The following ZBTB46 variants were observed in gnomAD, a reference collection of about 807,000 sequenced individuals.
The protein encoded by ZBTB46 is zinc finger and BTB domain containing 46.
ZBTB46 carries 8 observed loss-of-function variants against 44.1 expected under a neutral mutation model. The ratio of observed to expected loss-of-function variants is 0.18; its 90% confidence interval spans 0.11 to 0.33. The LOEUF is 0.33. Among genes scored for constraint, ZBTB46 ranks in the 10% least tolerant of loss-of-function variants. ZBTB46 has a pLI of 1.00. For synonymous variants in ZBTB46, 409 were observed against 382.3 expected (o/e 1.07, Z -0.81); for missense variants, 651 against 847.7 (o/e 0.77, Z 2.88).
At chr20:63,770,156 C>T (rs776964366) in intron 3 of ZBTB46, among the ~76,000 whole-genome samples, 5 of 152,246 alleles carry the variant, frequency 3.3e-5, no homozygotes, top group South Asian at 2.1e-4. Context: ...CTCCTGTCCC[C>T]GGCCGACCGG....
Position 63,746,846 on chromosome 20 carries a change from G to A in ZBTB46, c.*84C>T. The stretch of plus-strand genomic sequence containing the variant: ...AGGGGCCGCGAGAGGGGTGAGCGTG[G>A]CCCTGGCCCCGCAGTGGAGACCCAC... On this transcript the variant is annotated 3_prime_UTR_variant, in exon 5 of 5. Coordinates refer to ENST00000245663, the MANE Select transcript of ZBTB46 (RefSeq NM_001369741.1). The A allele has an allele frequency of 7.0e-7, 1 of 1,421,394 alleles. No homozygotes were observed. Among genetic ancestry groups the A allele is most frequent in the East Asian group, 2.6e-5 (1 of 38,448 alleles). 88.0% of individuals were successfully genotyped at this position (1,421,394 alleles called of 1,614,324 possible).
chr20:63,785,757 G>C (rs928192770), intron 2 of ZBTB46, among the ~76,000 whole-genome samples: 1 of 152,250 alleles, frequency 6.6e-6, no homozygotes, highest in East Asian at 1.9e-4. Flanking sequence ...GTCACTGGCC[G>C]CCACAGCGTG....
upstream of ZBTB46, among the ~76,000 whole-genome samples, chr20:63,831,664 A>C (rs2092853203): frequency 6.7e-6 from 1 of 149,436 alleles, no homozygotes; most frequent in Non-Finnish European, 1.5e-5. Flanking sequence ...GCAGCCTGGA[A>C]ACACCCCACG....
intron 3 of ZBTB46, among the ~76,000 whole-genome samples, chr20:63,772,998 C>A (rs2092389767): frequency 6.6e-6 from 1 of 152,186 alleles, no homozygotes; most frequent in Non-Finnish European, 1.5e-5. Flanking sequence ...CCAGGGCCAC[C>A]AAGGCCGAGC....
intron 1 of ZBTB46, among the ~76,000 whole-genome samples, chr20:63,804,415 C>T (rs374341012): frequency 6.6e-6 from 1 of 152,140 alleles, no homozygotes; most frequent in Non-Finnish European, 1.5e-5. Flanking sequence ...CAACAGCAGT[C>T]CTGAGCCCTC....
At chr20:63,808,333 C>T (rs1283493480) in intron 1 of ZBTB46, among the ~76,000 whole-genome samples, 1 of 152,134 alleles carries the variant, frequency 6.6e-6, no homozygotes, top group African/African-American at 2.4e-5. Flanking sequence ...CAGCCCTTGC[C>T]CCGGGGGCTG....
intron 2 of ZBTB46, among the ~76,000 whole-genome samples, chr20:63,783,489 TAAAAC>T (rs1032012138): frequency 7.9e-5 from 12 of 152,100 alleles, no homozygotes; most frequent in Admixed American, 2.6e-4. Flanking sequence ...TTTTTAAAAA[TAAAAC>T]AAAAACAAAA....
At chr20:63,789,505 G>C (rs999543684) in intron 2 of ZBTB46, among the ~76,000 whole-genome samples, 1 of 152,124 alleles carries the variant, frequency 6.6e-6, no homozygotes, top group Non-Finnish European at 1.5e-5. Context: ...GTCCCCTCCC[G>C]GTGTCACCCA....
chr20:63,833,387 C>A (rs569109258), upstream of ZBTB46, among the ~76,000 whole-genome samples: 255 of 152,230 alleles, frequency 1.7e-3, no homozygotes, highest in African/African-American at 6.0e-3. Flanking sequence ...GTCAGGAGAT[C>A]GAGACCATCC....
At chr20:63,775,147 A>C in intron 3 of ZBTB46, 1 of 152,730 alleles carries the variant, frequency 6.5e-6, no homozygotes, top group East Asian at 1.9e-4. Flanking sequence ...AGCTGGGGAC[A>C]TTTACGTTTT....
At chr20:63,761,911 T>A (rs2092281241) in intron 3 of ZBTB46, among the ~76,000 whole-genome samples, 1 of 152,358 alleles carries the variant, frequency 6.6e-6, no homozygotes, top group South Asian at 2.1e-4. Flanking sequence ...TGATTTCTAA[T>A]TCCAGTTTGC....
At chr20:63,806,911 T>A (rs1328529910) in intron 1 of ZBTB46, among the ~76,000 whole-genome samples, 1 of 152,084 alleles carries the variant, frequency 6.6e-6, no homozygotes, top group African/African-American at 2.4e-5. Context: ...GCCTCCTGAG[T>A]AGCTGGGACT....
Position 63,746,793 on chromosome 20 carries a change from G to T in ZBTB46, c.*137C>A. The T allele has an allele frequency of 4.6e-6, 6 of 1,317,192 alleles. No individual in the cohort carries two copies. The highest frequency in any genetic ancestry group is 6.0e-6 in the Non-Finnish European group (6 of 1,008,122). 81.6% of individuals were successfully genotyped at this position (1,317,192 alleles called of 1,614,324 possible). On this transcript the variant is annotated 3_prime_UTR_variant, in exon 5 of 5. Transcript: ENST00000245663. ...CTTAGCCCGCAGGGCTGGTTTCCGT[G>T]GGGGGTGGGTTCAGGGGGAAGCAGA...
At chr20:63,766,096 G>A (rs2092318063) in intron 3 of ZBTB46, among the ~76,000 whole-genome samples, 1 of 151,812 alleles carries the variant, frequency 6.6e-6, no homozygotes, top group African/African-American at 2.4e-5. Context: ...CCCTGCCCAT[G>A]AACGCAGAGC....
chr20:63,776,949 G>C (rs1020787037), intron 2 of ZBTB46, among the ~76,000 whole-genome samples: 1 of 152,102 alleles, frequency 6.6e-6, no homozygotes, highest in African/African-American at 2.4e-5. Flanking sequence ...GAGATGCTCA[G>C]CATCACCCAT....
In ZBTB46 at chr20:63,752,623, C is replaced by A; in HGVS notation, c.1398+63G>T. On this transcript the variant is annotated intron_variant, in intron 4 of 4. Coordinates refer to ENST00000245663, the MANE Select transcript of ZBTB46 (RefSeq NM_001369741.1). This position sits in a 1 kb window ranked among gnomAD's most constrained non-coding sequence, Gnocchi z 5.6. ...GGGGCGGTCTGCGCCCTCATCAGGA[C>A]CCGCCTGCCCGGACATCGTGGCCAC... is the stretch of plus-strand genomic sequence containing the variant. The A allele has an allele frequency of 6.9e-7, 1 of 1,446,206 alleles. No individual in the cohort carries two copies. The highest frequency in any genetic ancestry group is 2.6e-5 in the East Asian group (1 of 38,896). 89.6% of individuals were successfully genotyped at this position (1,446,206 alleles called of 1,614,324 possible).
At chr20:63,781,140 C>CAAAAAA (rs58102231) in intron 2 of ZBTB46, among the ~76,000 whole-genome samples, 1 of 83,928 alleles carries the variant, frequency 1.2e-5, no homozygotes, top group Admixed American at 1.6e-4. Context: ...GACTCTGCCT[C>CAAAAAA]AAAAAAAAAA....
At chr20:63,806,198 TCGAGAC>T (rs1601512395) in intron 1 of ZBTB46, among the ~76,000 whole-genome samples, 1 of 145,872 alleles carries the variant, frequency 6.9e-6, no homozygotes, top group East Asian at 2.3e-4. Context: ...GGTCAGGAGT[TCGAGAC>T]CAACCTGGCC....
chr20:63,787,482 G>A lies in ZBTB46; in HGVS notation c.937+2339C>T, dbSNP rs376557153. ...GGCAGGGGCCCTACCCAGGCATGCC[G>A]TTATCTTGTATACCCTATTTTTACA... is the stretch of plus-strand genomic sequence containing the variant. On this transcript the variant is annotated intron_variant, in intron 2 of 4. Transcript: ENST00000245663. This position sits in a 1 kb window ranked among gnomAD's most constrained non-coding sequence, Gnocchi z 4.6. 6.0e-4 allele frequency among the ~76,000 whole-genome samples: 92 copies of A among 152,304 alleles called. No individual in the cohort carries two copies. Among genetic ancestry groups the A allele is most frequent in the South Asian group, 2.1e-3 (10 of 4,820 alleles).
Sources: gnomAD v4.1 joint callset for allele counts (sites outside exome capture counted in the v4.1 genomes callset) on GRCh38, gnomAD v4.1.1 for gene constraint, Gnocchi (gnomAD v3.1) non-coding constraint, MANE v1.5 for transcripts, NCBI Gene and HGNC (gene_info 2026-07-23, HGNC 2026-07-21) for gene names.